FRMD3: variants seen among roughly 807,000 people sequenced by gnomAD.
FRMD3 encodes the protein FERM domain containing 3.
In FRMD3, 33 loss-of-function variants were observed where a neutral mutation model predicts 70.2. The ratio of observed to expected loss-of-function variants is 0.47; its 90% confidence interval spans 0.36 to 0.63. The LOEUF is 0.63. FRMD3 is among the 20% of genes least tolerant of loss of function. The pLI, the probability that FRMD3 is intolerant of heterozygous loss-of-function variation, is 0.00. For missense variants in FRMD3, 632 were observed against 711.4 expected, an observed-to-expected ratio of 0.89 and a Z score of 1.27; for synonymous variants, 279 against 255.9, an observed-to-expected ratio of 1.09 and a Z score of -0.86.
intron 1 of FRMD3, among the ~76,000 whole-genome samples, chr9:83,395,483 CA>C (rs1198722101): frequency 6.6e-6 from 1 of 152,072 alleles, no homozygotes; most frequent in Non-Finnish European, 1.5e-5. Context: ...TCCCTCCTCC[CA>C]CTCTCCACCC....
intron 1 of FRMD3, among the ~76,000 whole-genome samples, chr9:83,416,016 G>A (rs1826430346): frequency 6.6e-6 from 1 of 152,144 alleles, no homozygotes; most frequent in African/African-American, 2.4e-5. Flanking sequence ...CTTGGGAAAG[G>A]TTATGTTCCC....
At chr9:83,551,958 G>A in the FRMD3 span, among the ~76,000 whole-genome samples, 13 of 148,648 alleles carry the variant, frequency 8.7e-5, no homozygotes, top group East Asian at 2.5e-3. Flanking sequence ...GGTTTTTCGT[G>A]TCTCAATTTC....
intron 4 of FRMD3, among the ~76,000 whole-genome samples, chr9:83,348,640 C>A (rs1056352833): frequency 1.1e-4 from 17 of 152,012 alleles, no homozygotes; most frequent in Non-Finnish European, 2.2e-4. Context: ...AATTTTACCT[C>A]AATGAAAAGA....
intron 1 of FRMD3, among the ~76,000 whole-genome samples, chr9:83,452,568 G>A (rs970557174): frequency 2.6e-5 from 4 of 151,166 alleles, no homozygotes; most frequent in Non-Finnish European, 4.4e-5. Flanking sequence ...TGCAAGCACC[G>A]CCTCCCGGGT....
intron 13 of FRMD3, among the ~76,000 whole-genome samples, chr9:83,264,690 A>G (rs1207696714): frequency 6.6e-6 from 1 of 152,180 alleles, no homozygotes; most frequent in African/African-American, 2.4e-5. Flanking sequence ...TGATATTAAA[A>G]CTATACTGTA....
At chr9:83,550,687 AGTGTGTGTGTGTGTGT>A in the FRMD3 span, among the ~76,000 whole-genome samples, 3 of 138,868 alleles carry the variant, frequency 2.2e-5, no homozygotes, top group African/African-American at 5.4e-5. Context: ...AGTCCTAGGT[AGTGTGTGTGTGTGTGT>A]GTGTGTGTGT....
intron 2 of FRMD3, among the ~76,000 whole-genome samples, chr9:83,387,790 T>C (rs956127723): frequency 6.6e-6 from 1 of 152,184 alleles, no homozygotes; most frequent in African/African-American, 2.4e-5. Flanking sequence ...CTTTATATCA[T>C]GGTCCCCAGA....
chr9:83,578,214 G>A, the FRMD3 span, among the ~76,000 whole-genome samples: 1 of 151,784 alleles, frequency 6.6e-6, no homozygotes, highest in East Asian at 1.9e-4. Flanking sequence ...AAAAGCCCAG[G>A]ACCAAATGGC....
chr9:83,508,683 G>A (rs1270562420), intron 1 of FRMD3, among the ~76,000 whole-genome samples: 2 of 152,046 alleles, frequency 1.3e-5, no homozygotes, highest in Non-Finnish European at 2.9e-5. Context: ...AGACACCACA[G>A]TGCCTGGTTT....
At chr9:83,456,567 T>C (rs1245790751) in intron 1 of FRMD3, among the ~76,000 whole-genome samples, 2 of 152,244 alleles carry the variant, frequency 1.3e-5, no homozygotes, top group African/African-American at 4.8e-5. Context: ...GCCAATGTAA[T>C]GCACCATGTA....
At chr9:83,519,794 G>A (rs909279022) in intron 1 of FRMD3, among the ~76,000 whole-genome samples, 3 of 152,106 alleles carry the variant, frequency 2.0e-5, no homozygotes, top group South Asian at 2.1e-4. Context: ...ACTTATACAC[G>A]ATGGAATACT....
chr9:83,572,433 T>C, the FRMD3 span, among the ~76,000 whole-genome samples: 46 of 152,246 alleles, frequency 3.0e-4, no homozygotes, highest in Middle Eastern at 3.4e-3. Context: ...TGGAGGTAGA[T>C]GAGAGGTGGC....
At chr9:83,368,027 C>T (rs1456135513) in intron 3 of FRMD3, among the ~76,000 whole-genome samples, 1 of 152,110 alleles carries the variant, frequency 6.6e-6, no homozygotes, top group Non-Finnish European at 1.5e-5. Flanking sequence ...AACACAGCAA[C>T]TTGGGTGAAT....
In FRMD3 at chr9:83,247,903, C is replaced by T. The variant is rs140396376; in HGVS notation, c.*15G>A. 493 of 1,611,556 alleles carry T rather than the reference C, an allele frequency of 3.1e-4. 1 individual carries two copies. The East Asian group carries it at 7.3e-3, about 24-fold the overall frequency. ...TAGCATTGAATATAGCCCTTAGTCA[C>T]GTGAGAGATTAACTTCATGAGCAAC... On this transcript the variant is annotated 3_prime_UTR_variant, in exon 14 of 14. Coordinates refer to ENST00000304195, the MANE Select transcript of FRMD3 (RefSeq NM_174938.6).
chr9:83,362,207 CTCAA>C (rs150244865), intron 3 of FRMD3, among the ~76,000 whole-genome samples: 17 of 142,612 alleles, frequency 1.2e-4, no homozygotes, highest in African/African-American at 4.4e-4. Context: ...CTCTCTCTCT[CTCAA>C]TCTCAATCTC....
At chr9:83,554,293 C>G in the FRMD3 span, among the ~76,000 whole-genome samples, 693 of 152,282 alleles carry the variant, frequency 4.6e-3, 10 homozygotes, top group African/African-American at 0.016. Flanking sequence ...TCTCCACCTT[C>G]AGTGCTGGCT....
intron 6 of FRMD3, among the ~76,000 whole-genome samples, chr9:83,316,155 TTTTTTC>T (rs1207044419): frequency 6.3e-4 from 83 of 131,098 alleles, no homozygotes; most frequent in African/African-American, 2.6e-3. Flanking sequence ...TCTCTTTTTT[TTTTTTC>T]TTTTTTTTTT....
At chr9:83,554,362 T>G in the FRMD3 span, among the ~76,000 whole-genome samples, 1 of 152,150 alleles carries the variant, frequency 6.6e-6, no homozygotes, top group African/African-American at 2.4e-5. Context: ...ATCTCAGTGT[T>G]TATGTTCCTT....
At chr9:83,483,330 G>T (rs56182420) in intron 1 of FRMD3, among the ~76,000 whole-genome samples, 1 of 152,266 alleles carries the variant, frequency 6.6e-6, no homozygotes, top group African/African-American at 2.4e-5. Flanking sequence ...TTCCTGTAGA[G>T]CCTGCAGAAT....
Sources: gnomAD v4.1 joint callset for allele counts (sites outside exome capture counted in the v4.1 genomes callset) on GRCh38, gnomAD v4.1.1 for gene constraint, MANE v1.5 for transcripts, NCBI Gene and HGNC (gene_info 2026-07-23, HGNC 2026-07-21) for gene names.